TAFA1: variants seen among roughly 807,000 people sequenced by gnomAD.
TAFA1 encodes the protein chemokine-like protein TAFA-1.
In TAFA1, 4 loss-of-function variants were observed where a neutral mutation model predicts 18.5. The observed-to-expected ratio is 0.22, with a 90% CI of 0.11 to 0.49. The LOEUF (loss-of-function observed/expected upper bound fraction) is 0.49, where lower values mean the gene tolerates loss of function less well. TAFA1 is among the 20% of genes least tolerant of loss of function. TAFA1 has a pLI of 0.98. For missense variants in TAFA1, 147 were observed against 169.0 expected (o/e 0.87, Z 0.72); for synonymous variants, 56 against 55.2 (o/e 1.01, Z -0.06).
chr3:68,297,331 A>G (rs1287253924), intron 2 of TAFA1, among the ~76,000 whole-genome samples: 1 of 152,176 alleles, frequency 6.6e-6, no homozygotes, highest in Non-Finnish European at 1.5e-5. Flanking sequence ...TTAATTTTCT[A>G]CAGAAGCCAA....
rs567559598 is a variant in TAFA1 at position 68,292,424 on chromosome 3, C to CAAA, written c.119-124847_119-124845dup. On this transcript the variant is annotated intron_variant, in intron 2 of 4. Coordinates refer to ENST00000478136, the MANE Select transcript of TAFA1 (RefSeq NM_213609.4). ...GTGAGACTCTGTCAAAAAAAAAAAA[C>CAAA]AAAAAAAAAAACCCAAAACAAAAAC... 4.6e-4 allele frequency among the ~76,000 whole-genome samples: 65 copies of CAAA among 141,214 alleles called. 1 individual carries two copies. In the East Asian group the frequency reaches 0.012, roughly 25 times the overall value. The allele number at this position is 141,214 out of a possible 152,430, so 92.6% of individuals were successfully genotyped here.
intron 2 of TAFA1, among the ~76,000 whole-genome samples, chr3:68,410,844 A>T (rs1257135994): frequency 6.6e-6 from 1 of 152,114 alleles, no homozygotes; most frequent in Non-Finnish European, 1.5e-5. Flanking sequence ...ATGGATAGGC[A>T]TTGACACCAA....
the TAFA1 span, among the ~76,000 whole-genome samples, chr3:67,994,596 G>T: frequency 6.6e-6 from 1 of 152,164 alleles, no homozygotes; most frequent in Non-Finnish European, 1.5e-5. Flanking sequence ...ATTCAAAAAA[G>T]GACATTTCCC....
At chr3:68,452,521 T>G (rs1314530751) in intron 3 of TAFA1, among the ~76,000 whole-genome samples, 3 of 25,750 alleles carry the variant, frequency 1.2e-4, no homozygotes, top group South Asian at 8.8e-4. Flanking sequence ...AAACTCTCTC[T>G]CAAAAAAAAA....
intron 2 of TAFA1, among the ~76,000 whole-genome samples, chr3:68,142,549 A>C (rs2065680441): frequency 6.6e-6 from 1 of 152,190 alleles, no homozygotes; most frequent in Admixed American, 6.5e-5. Flanking sequence ...TCTCAGCTTC[A>C]GATGCTGCCC....
chr3:68,025,308 C>A (rs1704791217), intron 2 of TAFA1, among the ~76,000 whole-genome samples: 1 of 152,148 alleles, frequency 6.6e-6, no homozygotes, highest in African/African-American at 2.4e-5. Flanking sequence ...CAACCACTTC[C>A]CACCACCTCT....
intron 2 of TAFA1, among the ~76,000 whole-genome samples, chr3:68,397,526 G>A (rs778206768): frequency 7.9e-5 from 12 of 152,128 alleles, no homozygotes; most frequent in Non-Finnish European, 1.3e-4. Context: ...GTATTCCATG[G>A]TTTATATGTG....
At chr3:68,255,135 A>T (rs1215379168) in intron 2 of TAFA1, among the ~76,000 whole-genome samples, 1 of 152,210 alleles carries the variant, frequency 6.6e-6, no homozygotes, top group African/African-American at 2.4e-5. Context: ...GTATTCATTC[A>T]TCTTTAGGTC....
intron 2 of TAFA1, among the ~76,000 whole-genome samples, chr3:68,326,430 C>T (rs1464461682): frequency 6.6e-6 from 1 of 152,190 alleles, no homozygotes; most frequent in Middle Eastern, 3.2e-3. Context: ...GCTGGGTTCA[C>T]TGGTCATATC....
chr3:68,510,879 G>A (rs758086052), intron 3 of TAFA1, among the ~76,000 whole-genome samples: 7 of 152,052 alleles, frequency 4.6e-5, no homozygotes, highest in Non-Finnish European at 7.4e-5. Flanking sequence ...ACATAGGCAA[G>A]TTAATTTTCT....
intron 2 of TAFA1, among the ~76,000 whole-genome samples, chr3:68,182,518 G>T (rs1293236986): frequency 1.3e-5 from 2 of 152,060 alleles, no homozygotes; most frequent in Non-Finnish European, 2.9e-5. Context: ...AGAAATTATT[G>T]TACCAGGTTA....
intron 2 of TAFA1, among the ~76,000 whole-genome samples, chr3:68,134,922 G>A (rs756809987): frequency 1.1e-4 from 16 of 152,292 alleles, no homozygotes; most frequent in Non-Finnish European, 1.8e-4. Context: ...AAATAAGATA[G>A]AAGTTAATTT....
intron 2 of TAFA1, among the ~76,000 whole-genome samples, chr3:68,371,364 C>T (rs2069703024): frequency 1.3e-5 from 2 of 152,072 alleles, no homozygotes; most frequent in Non-Finnish European, 2.9e-5. Flanking sequence ...TGTCCTAATG[C>T]TCTCTCTCCC....
chr3:68,536,844 T>C (rs542415982), intron 3 of TAFA1, among the ~76,000 whole-genome samples: 12 of 152,174 alleles, frequency 7.9e-5, no homozygotes, highest in African/African-American at 2.9e-4. Flanking sequence ...TTTTGATAGT[T>C]CCCCCCACAT....
intron 2 of TAFA1, among the ~76,000 whole-genome samples, chr3:68,118,361 G>A (rs2065348055): frequency 6.6e-6 from 1 of 152,144 alleles, no homozygotes; most frequent in Non-Finnish European, 1.5e-5. Context: ...AGCTCAGGCT[G>A]TAATGCGAAC....
chr3:68,082,177 C>A (rs143007820), intron 2 of TAFA1, among the ~76,000 whole-genome samples: 1 of 143,462 alleles, frequency 7.0e-6, no homozygotes, highest in Non-Finnish European at 1.5e-5. Context: ...TCGGCTCGCG[C>A]ATGGTGTGCG....
chr3:68,352,832 C>G (rs2069293353), intron 2 of TAFA1, among the ~76,000 whole-genome samples: 1 of 151,884 alleles, frequency 6.6e-6, no homozygotes, highest in African/African-American at 2.4e-5. Flanking sequence ...GGGAAGAAGA[C>G]CTGGAAGCAA....
intron 2 of TAFA1, among the ~76,000 whole-genome samples, chr3:68,009,470 T>C (rs188815780): frequency 6.6e-6 from 1 of 152,348 alleles, no homozygotes; most frequent in Admixed American, 6.5e-5. Context: ...GTGGTTGATC[T>C]GTGCGTCAAA....
At chr3:68,065,720 TTGTG>T in intron 2 of TAFA1, among the ~76,000 whole-genome samples, 1 of 110,688 alleles carries the variant, frequency 9.0e-6, no homozygotes, top group African/African-American at 3.6e-5. Flanking sequence ...ACATAGATGT[TTGTG>T]TGTATGTGTG....
Sources: gnomAD v4.1 joint callset for allele counts (sites outside exome capture counted in the v4.1 genomes callset) on GRCh38, gnomAD v4.1.1 for gene constraint, MANE v1.5 for transcripts, NCBI Gene and HGNC (gene_info 2026-07-23, HGNC 2026-07-21) for gene names.